Variants in CAV1 observed in about 807,000 individuals in gnomAD.
CAV1 encodes caveolin-1.
A neutral mutation model predicts 16.5 loss-of-function variants in CAV1; 10 were observed. The observed-to-expected ratio is 0.61, with a 90% CI of 0.37 to 1.03. The LOEUF is 1.03. CAV1 is among the 50% of genes least tolerant of loss of function. The pLI, the probability that CAV1 is intolerant of heterozygous loss-of-function variation, is 0.01. For synonymous variants in CAV1, 76 were observed against 85.1 expected (o/e 0.89, Z 0.59); for missense variants, 212 against 232.8 (o/e 0.91, Z 0.58).
intron 2 of CAV1, among the ~76,000 whole-genome samples, chr7:116,555,542 G>GAGAGAGAGAGAGAA (rs1478856618): frequency 1.6e-4 from 2 of 12,144 alleles, no homozygotes; most frequent in Admixed American, 1.2e-3. Context: ...GAGAGAGAGA[G>GAGAGAGAGAGAGAA]AGAAAGAAAG....
chr7:116,526,204 C>G (rs925576564), intron 1 of CAV1: 9 of 901,794 alleles, frequency 1.0e-5, no homozygotes, highest in Non-Finnish European at 1.2e-5. Context: ...CGTGCTGAGC[C>G]GGGGCGTGCG....
At chr7:116,553,870 G>A (rs1018555447) in intron 2 of CAV1, among the ~76,000 whole-genome samples, 1 of 152,110 alleles carries the variant, frequency 6.6e-6, no homozygotes, top group African/African-American at 2.4e-5. Flanking sequence ...TCAACAATAG[G>A]CCTGTGGGAC....
At chr7:116,552,873 T>G (rs1794191363) in intron 2 of CAV1, among the ~76,000 whole-genome samples, 1 of 152,204 alleles carries the variant, frequency 6.6e-6, no homozygotes, top group African/African-American at 2.4e-5. Context: ...GTGACTCATC[T>G]CTGAAATCAA....
chr7:116,540,836 A>T (rs764861535), intron 2 of CAV1, among the ~76,000 whole-genome samples: 1 of 152,220 alleles, frequency 6.6e-6, no homozygotes, highest in Non-Finnish European at 1.5e-5. Context: ...AGATACCAGG[A>T]TAGAGCTGTC....
chr7:116,545,362 G>A (rs1794020518), intron 2 of CAV1, among the ~76,000 whole-genome samples: 1 of 152,182 alleles, frequency 6.6e-6, no homozygotes, highest in Admixed American at 6.5e-5. Flanking sequence ...CTGTTGTAGA[G>A]GTTGGGGACT....
chr7:116,555,509 A>G (rs1562838065), intron 2 of CAV1, among the ~76,000 whole-genome samples: 1,362 of 12,720 alleles, frequency 0.11, 343 homozygotes, highest in South Asian at 0.24. Flanking sequence ...AGAAAGAAAG[A>G]AAGAAAGAAA....
chr7:116,557,145 G>C (rs1794308440), intron 2 of CAV1, among the ~76,000 whole-genome samples: 1 of 152,188 alleles, frequency 6.6e-6, no homozygotes, highest in Admixed American at 6.5e-5. Context: ...GAAGAAAAAT[G>C]AGTGACAATA....
chr7:116,541,486 C>T (rs903711649), intron 2 of CAV1, among the ~76,000 whole-genome samples: 13 of 152,168 alleles, frequency 8.5e-5, no homozygotes, highest in Non-Finnish European at 1.5e-5. Flanking sequence ...CACGGTGGCT[C>T]ACTCCTGTAA....
At chr7:116,541,390 A>G (rs1196439665) in intron 2 of CAV1, among the ~76,000 whole-genome samples, 1 of 152,236 alleles carries the variant, frequency 6.6e-6, no homozygotes, top group African/African-American at 2.4e-5. Flanking sequence ...AGCACTGCTC[A>G]GACGCAATTA....
In CAV1 at chr7:116,525,723, T is replaced by C. The variant is rs1379588833; in HGVS notation, c.30+631T>C. 6.6e-6 allele frequency: 7 copies of C among 1,058,364 alleles called. No homozygotes were observed. In the South Asian group the frequency reaches 1.0e-4, roughly 16 times the overall value. The allele number at this position is 1,058,364 out of a possible 1,614,324, so 65.6% of individuals were successfully genotyped here. A position where few individuals can be genotyped will look rare whatever the true frequency, so the allele number is the denominator to read the frequency against. The stretch of plus-strand genomic sequence containing the variant: ...GGAGCTCTGCCCGGGTGTGGAAACC[T>C]CGTCTTCCAACACGTAGCTGCCCTT... On this transcript the variant is annotated intron_variant, in intron 1 of 2. Coordinates refer to ENST00000341049, the MANE Select transcript of CAV1 (RefSeq NM_001753.5).
At chr7:116,525,138 C>T (rs1474053216) in intron 1 of CAV1, 46 bp downstream of exon 1, 6 of 1,614,134 alleles carry the variant, frequency 3.7e-6, no homozygotes, top group Non-Finnish European at 5.1e-6. Context: ...CGGGGAGTGT[C>T]CGCTTCTGCT....
At chr7:116,529,591 A>G (rs1416323594) in intron 2 of CAV1, among the ~76,000 whole-genome samples, 2 of 152,198 alleles carry the variant, frequency 1.3e-5, no homozygotes, top group Non-Finnish European at 2.9e-5. Context: ...ACTCTAGAGA[A>G]GAAATGAAAC....
chr7:116,538,942 G>C (rs887880325), intron 2 of CAV1, among the ~76,000 whole-genome samples: 4 of 152,094 alleles, frequency 2.6e-5, no homozygotes, highest in Non-Finnish European at 5.9e-5. Flanking sequence ...ACAGTATGGG[G>C]GAACCGCCAC....
chr7:116,535,694 A>G lies in CAV1; in HGVS notation c.195+9005A>G, dbSNP rs563266052. On this transcript the variant is annotated intron_variant, in intron 2 of 2. Transcript: ENST00000341049. ...CAGAATTACACCTGCACAGAATACA[A>G]ATTTCCTGCCTTTCATGGGAACTAT... Among the ~76,000 whole-genome samples, 10 of 152,274 alleles carry G rather than the reference A, an allele frequency of 6.6e-5. No individual in the cohort carries two copies. The East Asian group carries it at 1.9e-3, about 29-fold the overall frequency.
intron 2 of CAV1, among the ~76,000 whole-genome samples, chr7:116,558,534 T>C (rs939985455): frequency 3.3e-5 from 5 of 150,334 alleles, no homozygotes; most frequent in Non-Finnish European, 7.4e-5. Flanking sequence ...GATTCCTTGA[T>C]CTCAGGCGTT....
intron 2 of CAV1, among the ~76,000 whole-genome samples, chr7:116,543,266 A>G (rs113211439): frequency 1.3e-5 from 2 of 152,208 alleles, no homozygotes; most frequent in African/African-American, 4.8e-5. Context: ...CAGAAAGCCC[A>G]CACAAAGAGA....
At chr7:116,531,232 T>A in intron 2 of CAV1, among the ~76,000 whole-genome samples, 1 of 152,258 alleles carries the variant, frequency 6.6e-6, no homozygotes, top group East Asian at 1.9e-4. Flanking sequence ...CACCATGGAC[T>A]ATTGTCATGA....
rs1394696314 is a variant in CAV1, at chr7:116,559,292, C to T, written c.*5C>T. On this transcript the variant is annotated 3_prime_UTR_variant, in exon 3 of 3. Transcript: ENST00000341049. ...AACTTGCAGAAAGAAATATAAATGACATTTCAAGGATAGAAGTATACCTGA... is the reference window on the plus strand; with the variant it reads ...AACTTGCAGAAAGAAATATAAATGATATTTCAAGGATAGAAGTATACCTGA... 2.5e-6 allele frequency: 4 copies of T among 1,604,728 alleles called. No homozygotes were observed. The highest frequency in any genetic ancestry group is 1.7e-5 in the Admixed American group (1 of 59,912).
At chr7:116,528,325 A>G (rs1479759352) in intron 2 of CAV1, among the ~76,000 whole-genome samples, 2 of 152,226 alleles carry the variant, frequency 1.3e-5, no homozygotes, top group Non-Finnish European at 2.9e-5. Flanking sequence ...ACTTCAACAC[A>G]GATGGAAAAA....
Sources: allele counts gnomAD v4.1 joint callset (sites outside exome capture counted in the v4.1 genomes callset), GRCh38; gene constraint gnomAD v4.1.1; transcripts MANE v1.5; gene names NCBI Gene and HGNC (gene_info 2026-07-23, HGNC 2026-07-21).